SLC25A51: variants seen among roughly 807,000 people sequenced by gnomAD.
SLC25A51 encodes solute carrier family 25 member 51.
SLC25A51 carries 11 observed loss-of-function variants against 19.1 expected under a neutral mutation model. The ratio of observed to expected loss-of-function variants is 0.58; its 90% CI spans 0.36 to 0.96. SLC25A51 has a LOEUF of 0.96. Ranked by LOEUF, SLC25A51 falls within the 40% of genes least tolerant of loss-of-function variation. SLC25A51 has a pLI of 0.01. For synonymous variants in SLC25A51, 105 were observed against 133.6 expected, an observed-to-expected ratio of 0.79 and a Z score of 1.47; for missense variants, 201 against 365.4, an observed-to-expected ratio of 0.55 and a Z score of 3.67.
chr9:37,889,374 C>T (rs1294648285), intron 2 of SLC25A51, among the ~76,000 whole-genome samples: 1 of 152,086 alleles, frequency 6.6e-6, no homozygotes, highest in African/African-American at 2.4e-5. Flanking sequence ...CCAAGGTGAA[C>T]AATTACACCA....
chr9:37,893,432 A>C (rs2118343529), intron 2 of SLC25A51, among the ~76,000 whole-genome samples: 1 of 152,334 alleles, frequency 6.6e-6, no homozygotes, highest in African/African-American at 2.4e-5. Context: ...GTCTACCCTA[A>C]GGAAGGTAAT....
At chr9:37,880,203 C>G (rs1200761516) in exon 4 of SLC25A51, 2 of 151,616 alleles carry the variant, frequency 1.3e-5, no homozygotes, top group African/African-American at 2.4e-5. Context: ...ATCCCAGCTA[C>G]TCCGGAGGCT....
intron 2 of SLC25A51, among the ~76,000 whole-genome samples, chr9:37,899,220 G>C (rs1831789726): frequency 6.6e-6 from 1 of 152,082 alleles, no homozygotes; most frequent in African/African-American, 2.4e-5. Flanking sequence ...TTATTCATTT[G>C]GTGTATTATG....
intron 2 of SLC25A51, among the ~76,000 whole-genome samples, chr9:37,897,848 C>T (rs1272984789): frequency 1.3e-5 from 2 of 152,184 alleles, no homozygotes; most frequent in African/African-American, 2.4e-5. Flanking sequence ...GACACAGAAA[C>T]GTTCACTGAT....
chr9:37,903,486 T>C (rs76716104), intron 1 of SLC25A51: 3,288 of 152,366 alleles, frequency 0.022, 64 homozygotes, highest in East Asian at 0.077. Context: ...CGATGCAATA[T>C]GCTGTCGCAG....
chr9:37,883,512 C>T (rs1038834505), downstream of SLC25A51, among the ~76,000 whole-genome samples: 1 of 152,180 alleles, frequency 6.6e-6, no homozygotes, highest in African/African-American at 2.4e-5. Flanking sequence ...CTTTAGAACT[C>T]AGATTTCTAC....
chr9:37,887,515 T>C, downstream of SLC25A51: 1 of 977,398 alleles, frequency 1.0e-6, no homozygotes, highest in South Asian at 1.8e-5. Flanking sequence ...TCACTAACCC[T>C]CTGACCTACT....
At chr9:37,878,806 G>A (rs1831299290), downstream of SLC25A51, 1 of 156,254 alleles carries the variant, frequency 6.4e-6, no homozygotes, top group African/African-American at 2.4e-5. Flanking sequence ...TTTTAAAAAT[G>A]TTATTTTAAA....
chr9:37,892,486 G>A lies in SLC25A51; in HGVS notation c.-42-3894C>T, dbSNP rs183420135. On this transcript the variant is annotated intron_variant, in intron 2 of 2. Coordinates refer to ENST00000242275, the MANE Select transcript of SLC25A51 (RefSeq NM_033412.4). ...TGATGAGGACAGAGAAGCCGGTTAG[G>A]ACCCTCAGGAAAATCCCAAGACCCT... Among the ~76,000 whole-genome samples the A allele has an allele frequency of 3.0e-3, 454 of 152,194 alleles. 6 individuals carry two copies. Among genetic ancestry groups the A allele is most frequent in the Non-Finnish European group, 1.2e-3 (79 of 67,998 alleles).
chr9:37,894,134 C>G (rs916899543), intron 2 of SLC25A51, among the ~76,000 whole-genome samples: 2 of 152,138 alleles, frequency 1.3e-5, no homozygotes, highest in Non-Finnish European at 2.9e-5. Context: ...ACAATTTATT[C>G]TACCTCCTAT....
intron 2 of SLC25A51, among the ~76,000 whole-genome samples, chr9:37,893,817 A>G (rs1831649697): frequency 6.6e-6 from 1 of 152,136 alleles, no homozygotes; most frequent in African/African-American, 2.4e-5. Context: ...AATAGAGAAA[A>G]AAAGCTGGAA....
Position 37,891,865 on chromosome 9 carries a change from A to T in SLC25A51, c.-42-3273T>A, listed in dbSNP as rs948557919. On this transcript the variant is annotated intron_variant, in intron 2 of 2. Coordinates refer to ENST00000242275, the MANE Select transcript of SLC25A51 (RefSeq NM_033412.4). Reference sequence around the variant, plus strand: ...AAGAATGATAAAAAAAAAAAAAAAAATTTTATATATATATATATACACACA... The same window carrying T: ...AAGAATGATAAAAAAAAAAAAAAAATTTTTATATATATATATATACACACA... 7.4e-3 allele frequency among the ~76,000 whole-genome samples: 977 copies of T among 132,840 alleles called. 13 individuals are homozygous for T. Among genetic ancestry groups the T allele is most frequent in the African/African-American group, 0.024 (874 of 35,942 alleles). The allele number at this position is 132,840 out of a possible 152,430, so 87.1% of individuals were successfully genotyped here. A position where few individuals can be genotyped will look rare whatever the true frequency, so the allele number is the denominator to read the frequency against.
At chr9:37,897,616 A>T (rs911272524) in intron 2 of SLC25A51, among the ~76,000 whole-genome samples, 38 of 151,604 alleles carry the variant, frequency 2.5e-4, no homozygotes, top group African/African-American at 8.9e-4. Flanking sequence ...AACAAAATTA[A>T]ATTATAATAA....
At chr9:37,892,086 T>C (rs1831604560) in intron 2 of SLC25A51, among the ~76,000 whole-genome samples, 1 of 152,150 alleles carries the variant, frequency 6.6e-6, no homozygotes, top group South Asian at 2.1e-4. Flanking sequence ...TTTTGAATTT[T>C]TAATGGTATT....
chr9:37,888,689 C>CTT, intron 2 of SLC25A51, 97 bp from the exon 3 acceptor site: 2 of 968,498 alleles, frequency 2.1e-6, no homozygotes, highest in Non-Finnish European at 3.0e-6. Context: ...GGACACCACA[C>CTT]TTTCCTTTTC....
intron 2 of SLC25A51, among the ~76,000 whole-genome samples, chr9:37,890,918 C>T (rs1190073764): frequency 6.6e-6 from 1 of 152,142 alleles, no homozygotes; most frequent in Non-Finnish European, 1.5e-5. Context: ...AAAAAATTGC[C>T]AAGTTCCTTA....
At position 37,899,821 on chromosome 9, in the gene SLC25A51, G is replaced by A; in HGVS notation, c.-43+8C>T. The A allele has an allele frequency of 7.3e-6, 1 of 136,620 alleles. No homozygotes were observed. 8.5% of individuals were successfully genotyped at this position (136,620 alleles called of 1,614,324 possible). On this transcript the variant is annotated splice_region_variant and intron_variant, in intron 2 of 2. Coordinates refer to ENST00000242275, the MANE Select transcript of SLC25A51 (RefSeq NM_033412.4). Reference sequence around the variant, plus strand: ...ATGATGTGTTCCTTGAAGTTTAATTGCATTCACCTGTGACATCTGAGCCTG... The same window carrying A: ...ATGATGTGTTCCTTGAAGTTTAATTACATTCACCTGTGACATCTGAGCCTG...
downstream of SLC25A51, chr9:37,886,299 T>C (rs1831456082): frequency 2.5e-6 from 4 of 1,613,862 alleles, no homozygotes; most frequent in South Asian, 3.3e-5. Context: ...GCCAAGAAGC[T>C]ATCAAAGGCT....
chr9:37,891,868 T>G (rs867875498), intron 2 of SLC25A51, among the ~76,000 whole-genome samples: 1 of 129,684 alleles, frequency 7.7e-6, no homozygotes, highest in Non-Finnish European at 1.5e-5. Flanking sequence ...AAAAAAAATT[T>G]TATATATATA....
Sources: gnomAD v4.1 joint callset for allele counts (sites outside exome capture counted in the v4.1 genomes callset) on GRCh38, gnomAD v4.1.1 for gene constraint, MANE v1.5 for transcripts, NCBI Gene and HGNC (gene_info 2026-07-23, HGNC 2026-07-21) for gene names.